The following SNX29 variants were observed in gnomAD, a reference collection of about 807,000 sequenced individuals.
SNX29 encodes sorting nexin 29.
SNX29 carries 78 observed loss-of-function variants against 102.1 expected under a neutral mutation model. The observed-to-expected ratio is 0.76, with a 90% CI of 0.64 to 0.92. The LOEUF is 0.92. Ranked by LOEUF, SNX29 falls within the 40% of genes least tolerant of loss-of-function variation. SNX29 has a pLI of 0.00. For missense variants in SNX29, 1,280 were observed against 1,061.7 expected (o/e 1.21, Z -2.86); for synonymous variants, 580 against 414.5 (o/e 1.40, Z -4.85).
intron 20 of SNX29, among the ~76,000 whole-genome samples, chr16:12,544,398 T>C (rs2077489498): frequency 6.6e-6 from 1 of 152,220 alleles, no homozygotes. Flanking sequence ...GAGGTGGTTC[T>C]GCTAAAACAT....
intron 20 of SNX29, among the ~76,000 whole-genome samples, chr16:12,557,024 C>G (rs1028530849): frequency 5.1e-4 from 14 of 27,190 alleles, no homozygotes; most frequent in African/African-American, 1.4e-3. Context: ...TACCCCCCCC[C>G]CGCCCCAAGA....
intron 15 of SNX29, among the ~76,000 whole-genome samples, chr16:12,308,499 G>A (rs765131015): frequency 1.3e-5 from 2 of 152,120 alleles, no homozygotes; most frequent in East Asian, 3.9e-4. Flanking sequence ...TAATCCTCAG[G>A]TCACTCATGC....
chr16:12,002,874 G>A, intron 2 of SNX29, 117 bp from the exon 3 acceptor site: 2 of 1,121,018 alleles, frequency 1.8e-6, no homozygotes, highest in South Asian at 1.3e-5. Context: ...CACTTGGCAT[G>A]CAGAGCTTCT....
At chr16:12,267,391 C>T (rs985607330) in intron 14 of SNX29, among the ~76,000 whole-genome samples, 1 of 152,116 alleles carries the variant, frequency 6.6e-6, no homozygotes, top group African/African-American at 2.4e-5. Context: ...ACAGCATTTT[C>T]TAAAATCCAG....
At chr16:12,287,645 C>T (rs2079641586) in intron 15 of SNX29, among the ~76,000 whole-genome samples, 1 of 152,260 alleles carries the variant, frequency 6.6e-6, no homozygotes, top group African/African-American at 2.4e-5. Context: ...ATCATTATCA[C>T]ACCCTAAAGT....
chr16:12,046,502 A>C lies in SNX29; in HGVS notation c.499+48A>C, dbSNP rs759385034. Reference sequence around the variant, plus strand: ...TGCAGGGCCTTGTGACACTTGGCAGAGGGGCTGCCTTGGGGCAGTTCCACA... The same window carrying C: ...TGCAGGGCCTTGTGACACTTGGCAGCGGGGCTGCCTTGGGGCAGTTCCACA... On this transcript the variant is annotated intron_variant, in intron 6 of 20. Transcript: ENST00000566228. 112 of 1,589,064 alleles carry C rather than the reference A, an allele frequency of 7.0e-5. 3 individuals are homozygous for C. The Middle Eastern group carries it at 1.2e-3, about 16-fold the overall frequency.
intron 10 of SNX29, among the ~76,000 whole-genome samples, chr16:12,070,562 T>G (rs908196651): frequency 6.6e-6 from 1 of 152,022 alleles, no homozygotes; most frequent in African/African-American, 2.4e-5. Context: ...CACATTTTCT[T>G]AATCCAGTCT....
chr16:12,446,905 T>C (rs11075079), intron 18 of SNX29, among the ~76,000 whole-genome samples: 107,013 of 151,780 alleles, frequency 0.71, 39,123 homozygotes, highest in African/African-American at 0.91. Flanking sequence ...GTGACTCACA[T>C]GGTAATCCCA....
intron 20 of SNX29, chr16:12,556,632 G>C (rs1353240358): frequency 6.6e-6 from 1 of 152,356 alleles, no homozygotes; most frequent in African/African-American, 2.4e-5. Flanking sequence ...AAGGGACGGT[G>C]TCTGGGTTTA....
intron 13 of SNX29, among the ~76,000 whole-genome samples, chr16:12,152,905 C>G (rs1313975395): frequency 6.6e-6 from 1 of 152,206 alleles, no homozygotes; most frequent in Non-Finnish European, 1.5e-5. Flanking sequence ...GGCTAAGAAG[C>G]TTGCTCAGGA....
chr16:12,207,800 G>C lies in SNX29; in HGVS notation c.1678+8117G>C, dbSNP rs80247422. ...CTGTGGTGCTTGCTACGAGCAGTAA[G>C]CAGAGTCTGGCATTTGCTTTTTGCT... On this transcript the variant is annotated intron_variant, in intron 14 of 20. Transcript: ENST00000566228. 1.9e-3 allele frequency among the ~76,000 whole-genome samples: 296 copies of C among 152,294 alleles called. 2 individuals carry two copies. The highest frequency in any genetic ancestry group is 6.9e-3 in the African/African-American group (286 of 41,556).
intron 19 of SNX29, among the ~76,000 whole-genome samples, chr16:12,501,861 C>T (rs1272871651): frequency 1.3e-5 from 2 of 151,880 alleles, no homozygotes; most frequent in Non-Finnish European, 2.9e-5. Flanking sequence ...TGATTTAGTC[C>T]CAGGGTCAGT....
intron 3 of SNX29, among the ~76,000 whole-genome samples, chr16:12,006,463 C>T (rs955809834): frequency 3.3e-5 from 5 of 149,982 alleles, no homozygotes; most frequent in Non-Finnish European, 7.4e-5. Flanking sequence ...TTTTGGTGAG[C>T]CGAGATTGCG....
chr16:12,281,803 G>A (rs2079438568), intron 15 of SNX29, among the ~76,000 whole-genome samples: 1 of 152,110 alleles, frequency 6.6e-6, no homozygotes, highest in Admixed American at 6.5e-5. Flanking sequence ...GGGCGTGGTG[G>A]CTCAAACCTG....
At chr16:12,404,323 G>T (rs1184570807) in intron 18 of SNX29, among the ~76,000 whole-genome samples, 1 of 152,116 alleles carries the variant, frequency 6.6e-6, no homozygotes, top group African/African-American at 2.4e-5. Context: ...ACCCAATCAA[G>T]GGGACTCCAG....
intron 14 of SNX29, among the ~76,000 whole-genome samples, chr16:12,229,442 T>G (rs2077707780): frequency 6.6e-6 from 1 of 152,194 alleles, no homozygotes; most frequent in Admixed American, 6.5e-5. Flanking sequence ...TGGTTTCATC[T>G]CCCTGATGTC....
At chr16:12,514,075 G>C (rs1226330159) in intron 19 of SNX29, among the ~76,000 whole-genome samples, 1 of 152,230 alleles carries the variant, frequency 6.6e-6, no homozygotes, top group African/African-American at 2.4e-5. Context: ...TCCCAGGGTG[G>C]CAGGATTGGG....
chr16:12,323,954 A>G (rs1161226811), intron 15 of SNX29, among the ~76,000 whole-genome samples: 1 of 152,088 alleles, frequency 6.6e-6, no homozygotes, highest in East Asian at 1.9e-4. Context: ...TTCAATTTGA[A>G]AATATAGAGA....
intron 13 of SNX29, among the ~76,000 whole-genome samples, chr16:12,191,061 G>T (rs570097794): frequency 6.6e-6 from 1 of 152,238 alleles, no homozygotes; most frequent in South Asian, 2.1e-4. Flanking sequence ...CATGGGGATG[G>T]GTTGGTGGAA....
Sources: gnomAD v4.1 joint callset for allele counts (sites outside exome capture counted in the v4.1 genomes callset) on GRCh38, gnomAD v4.1.1 for gene constraint, MANE v1.5 for transcripts, NCBI Gene and HGNC (gene_info 2026-07-23, HGNC 2026-07-21) for gene names.